The following LTBP1 variants were observed in gnomAD, a reference collection of about 807,000 sequenced individuals.
LTBP1 encodes latent transforming growth factor beta binding protein 1.
In LTBP1, 129 loss-of-function variants were observed where a neutral mutation model predicts 207.6. That is an observed-to-expected ratio of 0.62 (90% CI 0.54 to 0.72). LTBP1 has a LOEUF of 0.72. Among genes scored for constraint, LTBP1 ranks in the 30% least tolerant of loss-of-function variants. The pLI, the probability that LTBP1 is intolerant of heterozygous loss-of-function variation, is 0.00. For missense variants in LTBP1, 2,281 were observed against 2,217.2 expected (o/e 1.03, Z -0.58); for synonymous variants, 963 against 833.7 (o/e 1.16, Z -2.67).
At chr2:33,161,966 G>A (rs905762382) in intron 5 of LTBP1, among the ~76,000 whole-genome samples, 1 of 152,200 alleles carries the variant, frequency 6.6e-6, no homozygotes, top group Non-Finnish European at 1.5e-5. Flanking sequence ...CCAGAAGTGG[G>A]CATGCTTGCT....
At chr2:33,395,340 C>A (rs911371476) in intron 32 of LTBP1, among the ~76,000 whole-genome samples, 4 of 152,084 alleles carry the variant, frequency 2.6e-5, no homozygotes, top group African/African-American at 9.7e-5. Flanking sequence ...CTTTAGAGAT[C>A]CTAAAATTCA....
intron 7 of LTBP1, among the ~76,000 whole-genome samples, chr2:33,199,830 AACAG>A (rs1262018340): frequency 2.0e-5 from 3 of 152,234 alleles, no homozygotes; most frequent in Non-Finnish European, 4.4e-5. Context: ...ATACACCAAT[AACAG>A]ACAAACAGAG....
At chr2:33,169,432 A>G (rs1248041265) in intron 5 of LTBP1, among the ~76,000 whole-genome samples, 2 of 152,230 alleles carry the variant, frequency 1.3e-5, no homozygotes, top group African/African-American at 2.4e-5. Context: ...AGATATTTAG[A>G]TAACAGTTGA....
chr2:33,217,329 A>G (rs1045552933), intron 7 of LTBP1, among the ~76,000 whole-genome samples: 1 of 152,220 alleles, frequency 6.6e-6, no homozygotes, highest in Non-Finnish European at 1.5e-5. Context: ...CTTAGACTAG[A>G]AAAACATCAA....
chr2:33,279,309 C>T (rs558913558), intron 18 of LTBP1, among the ~76,000 whole-genome samples: 3 of 151,684 alleles, frequency 2.0e-5, no homozygotes, highest in African/African-American at 4.8e-5. Flanking sequence ...CTCAAGCTGT[C>T]GTAGTTATCT....
At chr2:33,359,156 AC>A (rs879375130) in intron 26 of LTBP1, among the ~76,000 whole-genome samples, 1 of 152,212 alleles carries the variant, frequency 6.6e-6, no homozygotes, top group Non-Finnish European at 1.5e-5. Flanking sequence ...TCTGTCAAAG[AC>A]AAAATAATCA....
At chr2:33,023,917 C>G (rs910677891) in intron 3 of LTBP1, among the ~76,000 whole-genome samples, 2 of 152,174 alleles carry the variant, frequency 1.3e-5, no homozygotes, top group Non-Finnish European at 2.9e-5. Context: ...TTCAGATTGC[C>G]TATTTTAGGA....
At chr2:33,012,711 G>A (rs141361823) in intron 2 of LTBP1, among the ~76,000 whole-genome samples, 1,539 of 152,242 alleles carry the variant, frequency 0.01, 11 homozygotes, top group Middle Eastern at 0.031. Flanking sequence ...TAACATGGAT[G>A]GGATTAAAAC....
intron 31 of LTBP1, among the ~76,000 whole-genome samples, chr2:33,382,984 T>C (rs920501947): frequency 8.5e-5 from 13 of 152,226 alleles, no homozygotes; most frequent in African/African-American, 3.1e-4. Flanking sequence ...CACCTTTCTT[T>C]ACTGGTACAG....
intron 2 of LTBP1, among the ~76,000 whole-genome samples, chr2:33,015,395 G>A (rs965773711): frequency 9.9e-5 from 15 of 152,128 alleles, no homozygotes; most frequent in African/African-American, 2.9e-4. Flanking sequence ...CTTTATAGAC[G>A]TCCTTAAATC....
intron 2 of LTBP1, among the ~76,000 whole-genome samples, chr2:33,014,433 C>A (rs887404107): frequency 1.3e-5 from 2 of 152,124 alleles, no homozygotes; most frequent in Non-Finnish European, 2.9e-5. Context: ...TATTGAATGA[C>A]TTCAAAGGGC....
intron 22 of LTBP1, among the ~76,000 whole-genome samples, chr2:33,303,551 C>G (rs189669193): frequency 1.3e-5 from 2 of 151,908 alleles, no homozygotes; most frequent in Non-Finnish European, 2.9e-5. Flanking sequence ...GGGTTTTCAC[C>G]GTGTTAACCT....
At chr2:33,194,494 ATGTT>A (rs912926589) in intron 7 of LTBP1, among the ~76,000 whole-genome samples, 6 of 152,206 alleles carry the variant, frequency 3.9e-5, no homozygotes, top group Admixed American at 1.3e-4. Context: ...AATACGGAGA[ATGTT>A]TGAGAGAGGT....
At chr2:33,360,861 C>T in intron 27 of LTBP1, 82 bp downstream of exon 27, 4 of 1,280,166 alleles carry the variant, frequency 3.1e-6, no homozygotes, top group Non-Finnish European at 4.5e-6. Flanking sequence ...ACACTCATTC[C>T]CACAGCCAAC....
chr2:32,953,506 TG>T (rs1677539211), intron 2 of LTBP1, among the ~76,000 whole-genome samples: 1 of 152,152 alleles, frequency 6.6e-6, no homozygotes, highest in Non-Finnish European at 1.5e-5. Context: ...ACAACCTCGG[TG>T]AAGAGAGAGG....
At chr2:33,219,816 A>G (rs1473787407) in intron 8 of LTBP1, among the ~76,000 whole-genome samples, 1 of 151,780 alleles carries the variant, frequency 6.6e-6, no homozygotes, top group Non-Finnish European at 1.5e-5. Flanking sequence ...AGTAGCAGGG[A>G]TGTGATAGAC....
intron 19 of LTBP1, among the ~76,000 whole-genome samples, chr2:33,292,004 C>T (rs1422578546): frequency 1.3e-5 from 2 of 152,132 alleles, no homozygotes; most frequent in African/African-American, 2.4e-5. Flanking sequence ...TTATAGACCC[C>T]TATAAGATTA....
At chr2:33,314,008 T>G (rs184166857) in intron 23 of LTBP1, among the ~76,000 whole-genome samples, 2 of 152,202 alleles carry the variant, frequency 1.3e-5, no homozygotes, top group South Asian at 2.1e-4. Flanking sequence ...CTTTTACTTA[T>G]AGTAAACAGT....
At chr2:33,243,999 T>C (rs1371675843) in intron 10 of LTBP1, among the ~76,000 whole-genome samples, 1 of 152,136 alleles carries the variant, frequency 6.6e-6, no homozygotes, top group Non-Finnish European at 1.5e-5. Flanking sequence ...GTGATAAAAA[T>C]ATAATAGCTA....
Sources: allele counts gnomAD v4.1 joint callset (sites outside exome capture counted in the v4.1 genomes callset), GRCh38; gene constraint gnomAD v4.1.1; transcripts MANE v1.5; gene names NCBI Gene and HGNC (gene_info 2026-07-23, HGNC 2026-07-21).